Variants in SPHKAP observed in about 807,000 individuals in gnomAD.
The protein encoded by SPHKAP is SPHK1 interactor, AKAP domain containing.
A neutral mutation model predicts 137.5 loss-of-function variants in SPHKAP; 67 were observed. The observed-to-expected ratio is 0.49, with a 90% CI of 0.40 to 0.60. The LOEUF is 0.60. Ranked by LOEUF, SPHKAP falls within the 20% of genes least tolerant of loss-of-function variation. SPHKAP has a pLI of 0.00. For synonymous variants in SPHKAP, 813 were observed against 785.3 expected (o/e 1.04, Z -0.59); for missense variants, 2,097 against 2,069.3 (o/e 1.01, Z -0.26).
intron 3 of SPHKAP, among the ~76,000 whole-genome samples, chr2:228,058,452 T>C (rs1252198956): frequency 6.6e-6 from 1 of 152,190 alleles, no homozygotes; most frequent in Non-Finnish European, 1.5e-5. Flanking sequence ...ACTCTGCTTG[T>C]CAACCCTGCA....
At chr2:228,153,927 A>G (rs1700016431) in intron 1 of SPHKAP, among the ~76,000 whole-genome samples, 1 of 152,166 alleles carries the variant, frequency 6.6e-6, no homozygotes, top group Non-Finnish European at 1.5e-5. Flanking sequence ...GAAAAGACTA[A>G]ATTAGACAGA....
At chr2:228,160,650 T>G (rs1330671434) in intron 1 of SPHKAP, among the ~76,000 whole-genome samples, 1 of 152,192 alleles carries the variant, frequency 6.6e-6, no homozygotes, top group Non-Finnish European at 1.5e-5. Flanking sequence ...AGAATTACAA[T>G]TCAAGATAAG....
intron 1 of SPHKAP, among the ~76,000 whole-genome samples, chr2:228,146,454 G>A (rs534842423): frequency 1.8e-4 from 27 of 152,248 alleles, no homozygotes; most frequent in African/African-American, 6.3e-4. Flanking sequence ...GGGGTTGCAC[G>A]TGAAGGTTTG....
At chr2:227,994,808 C>G (rs140319950) in intron 8 of SPHKAP, among the ~76,000 whole-genome samples, 2 of 152,268 alleles carry the variant, frequency 1.3e-5, no homozygotes, top group East Asian at 3.9e-4. Context: ...TAAGTCTAAA[C>G]AGACTAAACT....
intron 1 of SPHKAP, among the ~76,000 whole-genome samples, chr2:228,175,823 T>C (rs1216466030): frequency 6.6e-6 from 1 of 151,804 alleles, no homozygotes; most frequent in Admixed American, 6.6e-5. Context: ...TTTAAAAAGA[T>C]AGAAAAAAAA....
intron 7 of SPHKAP, among the ~76,000 whole-genome samples, chr2:228,012,179 AAAAAAAAAAG>A (rs1183242531): frequency 0.11 from 14,973 of 136,820 alleles, 610 homozygotes; most frequent in East Asian, 0.26. Context: ...AAAAAAAAAA[AAAAAAAAAAG>A]AAAGAAAGAA....
At chr2:228,048,379 C>G (rs1176935678) in intron 3 of SPHKAP, among the ~76,000 whole-genome samples, 1 of 151,994 alleles carries the variant, frequency 6.6e-6, no homozygotes, top group Non-Finnish European at 1.5e-5. Flanking sequence ...TACCTATTTA[C>G]CATTACCCTT....
intron 3 of SPHKAP, among the ~76,000 whole-genome samples, chr2:228,104,112 A>G (rs549959512): frequency 2.0e-5 from 3 of 151,118 alleles, no homozygotes; most frequent in Non-Finnish European, 4.4e-5. Context: ...TTTTTAAAGA[A>G]AAAAACACTA....
intron 1 of SPHKAP, among the ~76,000 whole-genome samples, chr2:228,143,820 C>T (rs4313971): frequency 0.34 from 51,953 of 151,744 alleles, 9,142 homozygotes; most frequent in East Asian, 0.5. Flanking sequence ...AGGTCATTTC[C>T]GTTCTTAAGA....
intron 6 of SPHKAP, among the ~76,000 whole-genome samples, chr2:228,020,752 CT>C (rs35294880): frequency 2.0e-5 from 3 of 152,050 alleles, no homozygotes; most frequent in Non-Finnish European, 4.4e-5. Context: ...AAAGCATTGA[CT>C]TTTTTTCCCC....
At chr2:228,001,577 ATATT>A (rs1360803405) in intron 7 of SPHKAP, among the ~76,000 whole-genome samples, 3 of 147,446 alleles carry the variant, frequency 2.0e-5, no homozygotes, top group Non-Finnish European at 4.5e-5. Flanking sequence ...ACACACATAT[ATATT>A]TATTATACTT....
At chr2:227,982,435 T>C (rs1475376038) in intron 11 of SPHKAP, 1 of 897,634 alleles carries the variant, frequency 1.1e-6, no homozygotes, top group Non-Finnish European at 1.3e-6. Flanking sequence ...GGAAACACCT[T>C]AGATTTGTCA....
intron 11 of SPHKAP, 151 bp downstream of exon 11, chr2:227,990,849 G>T: frequency 2.7e-6 from 2 of 744,414 alleles, no homozygotes; most frequent in Non-Finnish European, 4.3e-6. Flanking sequence ...TACACAGGTG[G>T]AAGATTTCAA....
chr2:228,077,412 C>T (rs1315863519), intron 3 of SPHKAP, among the ~76,000 whole-genome samples: 1 of 152,204 alleles, frequency 6.6e-6, no homozygotes, highest in Non-Finnish European at 1.5e-5. Context: ...GGCAAAGCCA[C>T]AGGGGAAGAG....
At chr2:228,114,878 C>A (rs1481346191) in intron 2 of SPHKAP, among the ~76,000 whole-genome samples, 1 of 152,118 alleles carries the variant, frequency 6.6e-6, no homozygotes, top group African/African-American at 2.4e-5. Flanking sequence ...GATAACTCTT[C>A]TAGAGAAAGA....
intron 7 of SPHKAP, among the ~76,000 whole-genome samples, chr2:228,010,880 T>A (rs976838259): frequency 2.0e-5 from 3 of 152,224 alleles, no homozygotes; most frequent in Admixed American, 1.3e-4. Context: ...AGAACTTCGA[T>A]AGGGCTAATT....
chr2:228,141,174 G>C (rs935817197), intron 1 of SPHKAP, among the ~76,000 whole-genome samples: 2 of 152,204 alleles, frequency 1.3e-5, no homozygotes, highest in African/African-American at 4.8e-5. Context: ...CCAGTTCCTA[G>C]TGTGTTGGCA....
intron 7 of SPHKAP, among the ~76,000 whole-genome samples, chr2:228,008,197 A>G: frequency 6.6e-6 from 1 of 152,010 alleles, no homozygotes. Context: ...CTATTTTATC[A>G]AGCCTTTCTT....
intron 3 of SPHKAP, among the ~76,000 whole-genome samples, chr2:228,069,249 A>G (rs1421047269): frequency 6.6e-6 from 1 of 152,116 alleles, no homozygotes; most frequent in Non-Finnish European, 1.5e-5. Context: ...CCTGGGCGAC[A>G]AGAGCAAAAC....
Sources: gnomAD v4.1 joint callset for allele counts (sites outside exome capture counted in the v4.1 genomes callset) on GRCh38, gnomAD v4.1.1 for gene constraint, MANE v1.5 for transcripts, NCBI Gene and HGNC (gene_info 2026-07-23, HGNC 2026-07-21) for gene names.